PANK1: variants seen among roughly 807,000 people sequenced by gnomAD.
The protein encoded by PANK1 is pantothenic acid kinase 1.
A neutral mutation model predicts 40.1 loss-of-function variants in PANK1; 18 were observed. That is an observed-to-expected ratio of 0.45 (90% confidence interval 0.31 to 0.67). The LOEUF is 0.67. Among genes scored for constraint, PANK1 ranks in the 30% least tolerant of loss-of-function variants. The pLI is 0.06. For missense variants in PANK1, 457 were observed against 599.6 expected, an observed-to-expected ratio of 0.76 and a Z score of 2.48; for synonymous variants, 242 against 237.7, an observed-to-expected ratio of 1.02 and a Z score of -0.17.
chr10:89,644,897 G>A lies in PANK1; in HGVS notation c.-6C>T, dbSNP rs769000600. 6.6e-7 allele frequency: 1 copy of A among 1,519,356 alleles called. No individual in the cohort carries two copies. The highest frequency in any genetic ancestry group is 8.8e-7 in the Non-Finnish European group (1 of 1,138,112). The allele number at this position is 1,519,356 out of a possible 1,614,324, so 94.1% of individuals were successfully genotyped here. On this transcript the variant is annotated 5_prime_UTR_variant, in exon 1 of 7. Coordinates refer to ENST00000307534, the MANE Select transcript of PANK1 (RefSeq NM_148977.3). ...TGCCCGCTGCGGTCGCCCATGCCGGGGGCTGGCGGGGCTGTGCGCGGGCCC... is the reference window on the plus strand; with the variant it reads ...TGCCCGCTGCGGTCGCCCATGCCGGAGGCTGGCGGGGCTGTGCGCGGGCCC...
At chr10:89,594,024 C>T (rs1162800200) in intron 3 of PANK1, 35 bp from the exon 4 acceptor site, 1 of 1,520,954 alleles carries the variant, frequency 6.6e-7, no homozygotes, top group Non-Finnish European at 9.1e-7. Flanking sequence ...TTAAATTTTA[C>T]TTTAAGATAT....
chr10:89,599,107 A>C, intron 3 of PANK1, 145 bp downstream of exon 3: 1 of 698,010 alleles, frequency 1.4e-6, no homozygotes, highest in Non-Finnish European at 2.4e-6. Context: ...TACCACTTTA[A>C]CACACCATTT....
intron 3 of PANK1, among the ~76,000 whole-genome samples, chr10:89,595,853 T>TAC (rs1844575130): frequency 8.7e-6 from 1 of 114,478 alleles, no homozygotes; most frequent in Admixed American, 8.5e-5. Flanking sequence ...TATATATATA[T>TAC]ATATATATAT....
intron 1 of PANK1, among the ~76,000 whole-genome samples, chr10:89,631,004 A>G (rs1214559292): frequency 6.6e-6 from 1 of 152,194 alleles, no homozygotes; most frequent in Admixed American, 6.5e-5. Context: ...GCATCTCTAA[A>G]CAAACATTTT....
intron 3 of PANK1, among the ~76,000 whole-genome samples, chr10:89,597,140 C>T (rs1564620821): frequency 6.6e-6 from 1 of 152,188 alleles, no homozygotes; most frequent in Non-Finnish European, 1.5e-5. Flanking sequence ...TGACAGCTAT[C>T]AGTTCACAAT....
chr10:89,599,663 CT>C (rs2133942955), intron 2 of PANK1, among the ~76,000 whole-genome samples, 158 bp from the exon 3 acceptor site: 1 of 152,286 alleles, frequency 6.6e-6, no homozygotes, highest in African/African-American at 2.4e-5. Flanking sequence ...AGCCACTGCA[CT>C]GGAAAAGTAG....
At chr10:89,611,567 G>C (rs1246616489) in intron 2 of PANK1, 129 bp downstream of exon 2, 2 of 652,746 alleles carry the variant, frequency 3.1e-6, no homozygotes, top group Non-Finnish European at 5.3e-6. Flanking sequence ...TGAGAAAACT[G>C]AGGCACAGAG....
At chr10:89,598,754 T>A (rs556324589) in intron 3 of PANK1, among the ~76,000 whole-genome samples, 55 of 152,000 alleles carry the variant, frequency 3.6e-4, no homozygotes, top group African/African-American at 1.2e-3. Flanking sequence ...CTAGGAGGTA[T>A]GCTGACTATT....
At position 89,601,655 on chromosome 10, in the gene PANK1, A is replaced by G. The variant is rs1249154158; in HGVS notation, c.646-2150T>C. On this transcript the variant is annotated intron_variant, in intron 2 of 6. Transcript: ENST00000307534. ...TTAGTTAGAATAGGTTACCAACCAG[A>G]TAGTGGATGTATTCTTGATTATTCT... is the stretch of plus-strand genomic sequence containing the variant. Among the ~76,000 whole-genome samples, 3 of 152,238 alleles carry G rather than the reference A, an allele frequency of 2.0e-5. No homozygotes were observed. In the South Asian group the frequency reaches 6.2e-4, roughly 32 times the overall value.
At chr10:89,608,435 G>A (rs1845046466) in intron 2 of PANK1, among the ~76,000 whole-genome samples, 1 of 152,146 alleles carries the variant, frequency 6.6e-6, no homozygotes, top group Non-Finnish European at 1.5e-5. Flanking sequence ...GTGCAGACCT[G>A]TTCAACTGAG....
chr10:89,644,467 T>G (rs1466605119), intron 1 of PANK1, 133 bp downstream of exon 1: 15 of 732,178 alleles, frequency 2.0e-5, no homozygotes. Flanking sequence ...GGGAACCTAC[T>G]CTGTGCAGTC....
At chr10:89,597,368 G>T (rs1209980120) in intron 3 of PANK1, among the ~76,000 whole-genome samples, 1 of 152,116 alleles carries the variant, frequency 6.6e-6, no homozygotes, top group Non-Finnish European at 1.5e-5. Flanking sequence ...CTCCCTTCTC[G>T]TGGTAGCCCC....
intron 1 of PANK1, among the ~76,000 whole-genome samples, chr10:89,613,684 C>T (rs1845229294): frequency 6.6e-6 from 1 of 152,214 alleles, no homozygotes. Flanking sequence ...AAAGCAAATT[C>T]TGCAACCAGT....
At chr10:89,610,957 A>G (rs1833560320) in intron 2 of PANK1, among the ~76,000 whole-genome samples, 1 of 149,290 alleles carries the variant, frequency 6.7e-6, no homozygotes, top group Admixed American at 6.9e-5. Flanking sequence ...AAATGAAGAA[A>G]TTGGAATGCA....
intron 1 of PANK1, among the ~76,000 whole-genome samples, chr10:89,640,487 C>A (rs747764255): frequency 8.5e-5 from 13 of 152,060 alleles, no homozygotes; most frequent in Non-Finnish European, 1.8e-4. Context: ...AGATACCAAG[C>A]TTGACAGCTG....
At chr10:89,640,066 A>G (rs1399024315) in intron 1 of PANK1, among the ~76,000 whole-genome samples, 1 of 152,224 alleles carries the variant, frequency 6.6e-6, no homozygotes, top group African/African-American at 2.4e-5. Flanking sequence ...TGGCCCTGTC[A>G]TTCACTGATA....
At position 89,611,976 on chromosome 10, in the gene PANK1, G is replaced by C. The variant is rs1197416657; in HGVS notation, c.365C>G (p.Thr122Arg). 4 of 1,614,124 alleles carry C rather than the reference G, an allele frequency of 2.5e-6. No homozygotes were observed. In the South Asian group the frequency reaches 4.4e-5, roughly 18 times the overall value. The change falls in exon 2 of 7, where the codon ACA (threonine) becomes AGA (arginine). Residue 122 changes from threonine to arginine, a missense_variant. Thr to Arg is a moderately conservative substitution (Grantham distance 71). Around this residue, in one of 4 missense-constraint regions of PANK1, gnomAD observed 286 missense variants for 415.8 expected, o/e 0.69. Coordinates refer to ENST00000307534, the MANE Select transcript of PANK1 (RefSeq NM_148977.3). ...KLVYFEPKDI[T>R]AEEEQEEVEN... ...CACTTCCTCTTGCTCCTCTTCGGCT[G>C]TAATATCCTTCGGCTCGAAATACAC...
At chr10:89,606,870 T>C (rs1169774828) in intron 2 of PANK1, among the ~76,000 whole-genome samples, 1 of 152,206 alleles carries the variant, frequency 6.6e-6, no homozygotes, top group Non-Finnish European at 1.5e-5. Flanking sequence ...TCTCAGACTC[T>C]AGAGAATTGA....
intron 1 of PANK1, among the ~76,000 whole-genome samples, chr10:89,633,650 A>G (rs2133023064): frequency 6.6e-6 from 1 of 152,318 alleles, no homozygotes; most frequent in South Asian, 2.1e-4. Context: ...CTATTACAGC[A>G]TCTGAGTGAA....
Sources: allele counts gnomAD v4.1 joint callset (sites outside exome capture counted in the v4.1 genomes callset), GRCh38; gene constraint gnomAD v4.1.1; regional missense constraint gnomAD v4.1.1; transcripts MANE v1.5; gene names NCBI Gene and HGNC (gene_info 2026-07-23, HGNC 2026-07-21).